The following GSTA1 variants were observed in gnomAD, a reference collection of about 807,000 sequenced individuals.
GSTA1 encodes the protein glutathione S-transferase alpha 1.
GSTA1 carries 23 observed loss-of-function variants against 21.5 expected under a neutral mutation model. The observed-to-expected ratio is 1.07, with a 90% CI of 0.77 to 1.52. GSTA1 has a LOEUF of 1.52. Among genes scored for constraint, GSTA1 ranks in the 40% most tolerant of loss-of-function variants. The pLI is 0.00. For synonymous variants in GSTA1, 125 were observed against 90.0 expected (o/e 1.39, Z -2.20); for missense variants, 301 against 264.2 (o/e 1.14, Z -0.96).
Position 52,792,858 on chromosome 6 carries a change from T to G in GSTA1, c.544A>C (p.Lys182Gln), listed in dbSNP as rs779857077. The change falls in exon 6 of 7, where the codon AAG becomes CAG. Residue 182 changes from lysine (K) to glutamine (Q), a missense_variant and splice_region_variant. Coordinates refer to ENST00000334575, the MANE Select transcript of GSTA1 (RefSeq NM_145740.5). ...CTCTGGGCTGTGAAATGGGTCACCT[T>G]CAGCAGAGGGAAGCTGGAGATAAGA... The part of the protein sequence containing the change: ...SSLISSFPLL[K>Q]ALKTRISNLP... 6.2e-7 allele frequency: 1 copy of G among 1,613,928 alleles called. No individual in the cohort carries two copies. The highest frequency in any genetic ancestry group is 8.5e-7 in the Non-Finnish European group (1 of 1,179,868).
In GSTA1 at chr6:52,791,879, T is replaced by G; in HGVS notation, c.648A>C (p.Ala216=). The part of the protein sequence containing the change: ...PPMDEKSLEE[A]RKIFRF ...GTTATTAAAACCTGAAAATCTTCCT[T>G]GCTTCTTCTAAAGATTTCTCATCCA... The change falls in exon 7 of 7, where the codon GCA becomes GCC. Residue 216 remains alanine (A), a synonymous_variant. Transcript: ENST00000334575. 1 of 1,614,028 alleles carries G rather than the reference T, an allele frequency of 6.2e-7. No individual in the cohort carries two copies. Among genetic ancestry groups the G allele is most frequent in the Non-Finnish European group, 8.5e-7 (1 of 1,179,888 alleles).
In GSTA1 at chr6:52,803,804, G is replaced by A. The variant is rs1561917057; in HGVS notation, c.-50C>T. ...ACTTACTTTGTTAAACGCTGTCACC[G>A]TCCTGGCTCGACAACTGAATTCCAG... On this transcript the variant is annotated 5_prime_UTR_variant, in exon 1 of 7. The change creates a new upstream start codon in the 5' untranslated region. Coordinates refer to ENST00000334575, the MANE Select transcript of GSTA1 (RefSeq NM_145740.5). 2.6e-5 allele frequency: 5 copies of A among 190,582 alleles called. No homozygotes were observed. Among genetic ancestry groups the A allele is most frequent in the East Asian group, 2.5e-4 (3 of 11,922 alleles). The allele number at this position is 190,582 out of a possible 1,614,324, so 11.8% of individuals were successfully genotyped here. A position where few individuals can be genotyped will look rare whatever the true frequency, so the allele number is the denominator to read the frequency against.
chr6:52,801,771 A>G (rs1763722778), intron 1 of GSTA1, among the ~76,000 whole-genome samples: 1 of 152,166 alleles, frequency 6.6e-6, no homozygotes, highest in African/African-American at 2.4e-5. Context: ...GTCAATATCT[A>G]GGGAGTGTGT....
chr6:52,792,612 C>T (rs1418958419), intron 6 of GSTA1: 1 of 868,120 alleles, frequency 1.2e-6, no homozygotes, highest in African/African-American at 1.7e-5. Context: ...ATGCTGGGCC[C>T]TGGGTTCTTT....
At chr6:52,793,079 AC>A (rs1463193458) in intron 5 of GSTA1, 92 bp from the exon 6 acceptor site, 1 of 1,576,496 alleles carries the variant, frequency 6.3e-7, no homozygotes. Flanking sequence ...GACTTTCCCC[AC>A]CTCTGTTGCC....
Position 52,792,990 on chromosome 6 carries a change from G to C in GSTA1, c.415-3C>G, listed in dbSNP as rs1430772102. 1 of 1,614,000 alleles carries C rather than the reference G, an allele frequency of 6.2e-7. No homozygotes were observed. The highest frequency in any genetic ancestry group is 1.7e-5 in the Admixed American group (1 of 60,016). ...TCTTGTCCATGGCTCTTTAAGACCTGGAGAATGGGAGGAATCAGATCAGGA... is the reference window on the plus strand; with the variant it reads ...TCTTGTCCATGGCTCTTTAAGACCTCGAGAATGGGAGGAATCAGATCAGGA... On this transcript the variant is annotated splice_polypyrimidine_tract_variant and splice_region_variant and intron_variant, in intron 5 of 6. Coordinates refer to ENST00000334575, the MANE Select transcript of GSTA1 (RefSeq NM_145740.5).
At chr6:52,796,529 G>A (rs374318298) in intron 3 of GSTA1, among the ~76,000 whole-genome samples, 52,862 of 56,576 alleles carry the variant, frequency 0.93, 24,627 homozygotes, top group Middle Eastern at 0.98. Flanking sequence ...GTGTGTGTGT[G>A]TATATATATA....
At chr6:52,796,481 A>ATG (rs1763588028) in intron 3 of GSTA1, among the ~76,000 whole-genome samples, 167 bp from the exon 4 acceptor site, 4 of 4,552 alleles carry the variant, frequency 8.8e-4, no homozygotes, top group Admixed American at 5.2e-3. Flanking sequence ...ATATATATAT[A>ATG]TATATATATG....
Position 52,792,698 on chromosome 6 carries a change from A to G in GSTA1, c.546+158T>C, listed in dbSNP as rs866112459. On this transcript the variant is annotated intron_variant, in intron 6 of 6. Transcript: ENST00000334575. ...TCCTTTCCATAACAAAAGTGTTTTCATTCCTCAAAATTGGAGCCTGGAAGC... is the reference window on the plus strand; with the variant it reads ...TCCTTTCCATAACAAAAGTGTTTTCGTTCCTCAAAATTGGAGCCTGGAAGC... The G allele has an allele frequency of 1.6e-5, 25 of 1,568,698 alleles. 1 individual carries two copies. The highest frequency in any genetic ancestry group is 1.9e-5 in the Non-Finnish European group (22 of 1,156,608).
chr6:52,802,027 G>A (rs185314131), intron 1 of GSTA1, among the ~76,000 whole-genome samples: 154 of 152,234 alleles, frequency 1.0e-3, no homozygotes, highest in African/African-American at 3.7e-3. Flanking sequence ...AATGTTGGAA[G>A]GAGAGGACGA....
intron 1 of GSTA1, among the ~76,000 whole-genome samples, chr6:52,799,929 C>A (rs1763675620): frequency 6.6e-6 from 1 of 152,204 alleles, no homozygotes; most frequent in Non-Finnish European, 1.5e-5. Flanking sequence ...ACCTCTTTGA[C>A]TGTGAGACTA....
At position 52,791,998 on chromosome 6, in the gene GSTA1, C is replaced by T. The variant is rs746180561; in HGVS notation, c.547-18G>A. On this transcript the variant is annotated intron_variant, in intron 6 of 6. Coordinates refer to ENST00000334575, the MANE Select transcript of GSTA1 (RefSeq NM_145740.5). ...TTCAGGGCCTGTAATTCATAAAGCA[C>T]AGCCTCAGAGTGAAGCCAAGGGCTG... 3.1e-6 allele frequency: 5 copies of T among 1,613,730 alleles called. No homozygotes were observed. Among genetic ancestry groups the T allele is most frequent in the Non-Finnish European group, 2.5e-6 (3 of 1,179,862 alleles).
intron 4 of GSTA1, among the ~76,000 whole-genome samples, 194 bp from the exon 5 acceptor site, chr6:52,794,460 T>G (rs551980243): frequency 1.8e-4 from 27 of 152,334 alleles, no homozygotes; most frequent in African/African-American, 6.5e-4. Flanking sequence ...TCAAGGTAGA[T>G]AGATCTCTAA....
intron 1 of GSTA1, among the ~76,000 whole-genome samples, chr6:52,802,435 C>T (rs1316126481): frequency 2.6e-5 from 4 of 152,078 alleles, no homozygotes; most frequent in African/African-American, 7.2e-5. Context: ...GTTATTTCTA[C>T]TTTTGAGGGT....
At chr6:52,798,108 CT>C (rs1205510672) in intron 2 of GSTA1, among the ~76,000 whole-genome samples, 1 of 152,200 alleles carries the variant, frequency 6.6e-6, no homozygotes, top group Non-Finnish European at 1.5e-5. Flanking sequence ...CTCAGGAACC[CT>C]GCTAAGTGTG....
At chr6:52,802,119 G>C (rs1763732350) in intron 1 of GSTA1, among the ~76,000 whole-genome samples, 1 of 152,114 alleles carries the variant, frequency 6.6e-6, no homozygotes, top group Admixed American at 6.6e-5. Flanking sequence ...ATAAAACTGT[G>C]ACTTTCTCTG....
chr6:52,796,537 A>T (rs1763592517), intron 3 of GSTA1, among the ~76,000 whole-genome samples: 1 of 40,114 alleles, frequency 2.5e-5, no homozygotes, highest in African/African-American at 6.6e-5. Flanking sequence ...GTGTATATAT[A>T]TATATATTTT....
At chr6:52,794,347 T>C in intron 4 of GSTA1, 81 bp from the exon 5 acceptor site, 2 of 1,413,892 alleles carry the variant, frequency 1.4e-6, no homozygotes, top group Non-Finnish European at 1.9e-6. Flanking sequence ...GGGAGTAGAG[T>C]ATCAGGTGAT....
chr6:52,792,670 A>G, intron 6 of GSTA1, 186 bp downstream of exon 6: 1 of 1,473,218 alleles, frequency 6.8e-7, no homozygotes, highest in African/African-American at 1.4e-5. Context: ...TGCAGCACAG[A>G]TTTCCTTTCC....
Sources: gnomAD v4.1 joint callset for allele counts (sites outside exome capture counted in the v4.1 genomes callset) on GRCh38, gnomAD v4.1.1 for gene constraint, MANE v1.5 for transcripts, NCBI Gene and HGNC (gene_info 2026-07-23, HGNC 2026-07-21) for gene names.